ST3GAL2: variants seen among roughly 807,000 people sequenced by gnomAD.
The protein encoded by ST3GAL2 is CMP-N-acetylneuraminate-beta-galactosamide-alpha-2,3-sialyltransferase 2.
ST3GAL2 carries 16 observed loss-of-function variants against 37.5 expected under a neutral mutation model. The ratio of observed to expected loss-of-function variants is 0.43; its 90% confidence interval spans 0.29 to 0.65. The LOEUF is 0.65. ST3GAL2 is among the 30% of genes least tolerant of loss of function. The pLI, the probability that ST3GAL2 is intolerant of heterozygous loss-of-function variation, is 0.17. For synonymous variants in ST3GAL2, 238 were observed against 202.9 expected (o/e 1.17, Z -1.47); for missense variants, 383 against 487.8 (o/e 0.79, Z 2.02).
At chr16:70,408,161 C>A (rs1037101533) in intron 1 of ST3GAL2, among the ~76,000 whole-genome samples, 1 of 152,136 alleles carries the variant, frequency 6.6e-6, no homozygotes, top group Non-Finnish European at 1.5e-5. Flanking sequence ...GTCCCAGGAC[C>A]AGCTGAACAA....
At chr16:70,395,909 T>C (rs2047512813) in intron 2 of ST3GAL2, among the ~76,000 whole-genome samples, 1 of 152,128 alleles carries the variant, frequency 6.6e-6, no homozygotes, top group Non-Finnish European at 1.5e-5. Flanking sequence ...GGGCCAAAGT[T>C]TCCCATTTTT....
intron 1 of ST3GAL2, among the ~76,000 whole-genome samples, chr16:70,418,730 A>G (rs2047692648): frequency 6.6e-6 from 1 of 152,162 alleles, no homozygotes; most frequent in Non-Finnish European, 1.5e-5. Context: ...GTGGAGGACC[A>G]GGTTGGGGGT....
At chr16:70,409,402 G>T (rs1045089186) in intron 1 of ST3GAL2, among the ~76,000 whole-genome samples, 2 of 151,602 alleles carry the variant, frequency 1.3e-5, no homozygotes, top group African/African-American at 4.8e-5. Context: ...GGAGTACAAT[G>T]GCGTGATCTT....
chr16:70,395,698 C>A (rs1030647198), intron 2 of ST3GAL2, among the ~76,000 whole-genome samples: 3 of 152,154 alleles, frequency 2.0e-5, no homozygotes, highest in African/African-American at 7.2e-5. Flanking sequence ...AACTGGTGTC[C>A]CCTCCTACCA....
At chr16:70,436,849 A>T (rs1052081551) in intron 1 of ST3GAL2, among the ~76,000 whole-genome samples, 1 of 152,208 alleles carries the variant, frequency 6.6e-6, no homozygotes, top group Non-Finnish European at 1.5e-5. Context: ...GTATACAAAT[A>T]TGGCCAAAAT....
At chr16:70,386,392 C>T (rs934905519) in intron 4 of ST3GAL2, among the ~76,000 whole-genome samples, 31 of 152,206 alleles carry the variant, frequency 2.0e-4, no homozygotes, top group Admixed American at 6.5e-4. Flanking sequence ...TGGGGTTTCA[C>T]GGTGTTAGCC....
intron 1 of ST3GAL2, among the ~76,000 whole-genome samples, chr16:70,416,500 C>T (rs776807223): frequency 2.0e-4 from 30 of 152,158 alleles, no homozygotes; most frequent in Non-Finnish European, 3.2e-4. Context: ...ACCACTGTAG[C>T]GCCTAGCACT....
chr16:70,421,294 G>C (rs550192961), intron 1 of ST3GAL2, among the ~76,000 whole-genome samples: 1 of 152,366 alleles, frequency 6.6e-6, no homozygotes, highest in East Asian at 1.9e-4. Context: ...TATCGCTGCT[G>C]TGAGTAGGCC....
intron 1 of ST3GAL2, among the ~76,000 whole-genome samples, 183 bp downstream of exon 1, chr16:70,438,766 G>A (rs1343486730): frequency 2.0e-5 from 3 of 151,990 alleles, no homozygotes; most frequent in African/African-American, 4.8e-5. Flanking sequence ...CCGGAATGAG[G>A]CCAACGCGCG....
chr16:70,411,054 G>C (rs372733416), intron 1 of ST3GAL2, among the ~76,000 whole-genome samples: 1 of 152,180 alleles, frequency 6.6e-6, no homozygotes, highest in African/African-American at 2.4e-5. Flanking sequence ...GAGACCCAAG[G>C]GAGTATGTGT....
At chr16:70,418,999 G>A (rs186524105) in intron 1 of ST3GAL2, among the ~76,000 whole-genome samples, 8 of 152,286 alleles carry the variant, frequency 5.3e-5, no homozygotes, top group African/African-American at 7.2e-5. Flanking sequence ...GGCCCAACCC[G>A]GGCGAGTCGC....
At chr16:70,401,904 G>C (rs1357851961) in intron 1 of ST3GAL2, among the ~76,000 whole-genome samples, 1 of 145,140 alleles carries the variant, frequency 6.9e-6, no homozygotes, top group African/African-American at 2.6e-5. Flanking sequence ...TTAGGCAGGA[G>C]AATCACTTGA....
intron 4 of ST3GAL2, 145 bp downstream of exon 4, chr16:70,388,222 C>T: frequency 1.1e-6 from 1 of 949,358 alleles, no homozygotes; most frequent in Non-Finnish European, 1.6e-6. Context: ...GCCTTCAGCT[C>T]ACCCACCAAC....
intron 1 of ST3GAL2, among the ~76,000 whole-genome samples, chr16:70,421,454 T>C (rs921591887): frequency 2.1e-4 from 32 of 152,312 alleles, no homozygotes; most frequent in African/African-American, 3.6e-4. Flanking sequence ...AGCTGAGTTA[T>C]AAGCTCCCTG....
intron 1 of ST3GAL2, among the ~76,000 whole-genome samples, chr16:70,432,443 A>G (rs923828089): frequency 6.7e-6 from 1 of 150,078 alleles, no homozygotes; most frequent in Non-Finnish European, 1.5e-5. Context: ...CTAGAAAGCT[A>G]GGATTGCCCA....
chr16:70,407,739 CAA>C (rs1039167575), intron 1 of ST3GAL2, among the ~76,000 whole-genome samples: 3 of 152,152 alleles, frequency 2.0e-5, no homozygotes, highest in Non-Finnish European at 2.9e-5. Flanking sequence ...AGGAGCAAAG[CAA>C]AGAGTGCCCC....
At chr16:70,415,236 T>C (rs2047667780) in intron 1 of ST3GAL2, among the ~76,000 whole-genome samples, 1 of 151,466 alleles carries the variant, frequency 6.6e-6, no homozygotes, top group Non-Finnish European at 1.5e-5. Flanking sequence ...CTCAAACTCC[T>C]GACTGTTAGG....
In ST3GAL2 at chr16:70,381,844, C is replaced by G. The variant is rs1597552784; in HGVS notation, c.898G>C (p.Gly300Arg). Residue 300 changes from glycine (G) to arginine (R), a missense_variant, in exon 7 of 7, where the codon GGG (glycine) becomes CGG (arginine). Coordinates refer to ENST00000342907, the MANE Select transcript of ST3GAL2 (RefSeq NM_006927.4). ...TGCCAGTTGCCCCGGCTGTCGGCCC[C>G]GAACCCGTACACGTTCACCTGCGGG... Reference protein sequence around the residue: ...VCDEVNVYGFGADSRGNWHHY... With the variant: ...VCDEVNVYGFRADSRGNWHHY... The G allele has an allele frequency of 1.2e-6, 2 of 1,613,890 alleles. No individual in the cohort carries two copies. The highest frequency in any genetic ancestry group is 1.7e-6 in the Non-Finnish European group (2 of 1,179,920).
intron 1 of ST3GAL2, among the ~76,000 whole-genome samples, chr16:70,420,248 G>A (rs2047706020): frequency 6.6e-6 from 1 of 152,104 alleles, no homozygotes; most frequent in Non-Finnish European, 1.5e-5. Context: ...AAAGCCTTTT[G>A]TATGGCAGTT....
Sources: allele counts gnomAD v4.1 joint callset (sites outside exome capture counted in the v4.1 genomes callset), GRCh38; gene constraint gnomAD v4.1.1; transcripts MANE v1.5; gene names NCBI Gene and HGNC (gene_info 2026-07-23, HGNC 2026-07-21).